TSC2: variants seen among roughly 807,000 people sequenced by gnomAD.
TSC2 encodes the protein tuberin.
Under a neutral mutation model 202.2 loss-of-function variants are expected in TSC2, and 29 were observed. The observed-to-expected ratio is 0.14, with a 90% confidence interval of 0.11 to 0.20. TSC2 has a LOEUF of 0.20. Among genes scored for constraint, TSC2 ranks in the 10% least tolerant of loss-of-function variants. TSC2 has a pLI of 1.00. For synonymous variants in TSC2, 1,349 were observed against 1,044.0 expected, an observed-to-expected ratio of 1.29 and a Z score of -5.63; for missense variants, 2,429 against 2,420.0, an observed-to-expected ratio of 1.00 and a Z score of -0.08.
At chr16:2,054,688 C>A in intron 5 of TSC2, 1 of 576,804 alleles carries the variant, frequency 1.7e-6, no homozygotes. Context: ...TTGGGGCCTC[C>A]GAACACCTCT....
intron 10 of TSC2, 55 bp downstream of exon 10, chr16:2,058,928 G>A (rs1596289748): frequency 7.6e-6 from 12 of 1,578,616 alleles, no homozygotes; most frequent in South Asian, 4.6e-5. Flanking sequence ...CTCCCCTCAC[G>A]CCTGCCCACC....
At chr16:2,063,157 C>A in intron 14 of TSC2, 104 bp downstream of exon 14, 1 of 1,378,934 alleles carries the variant, frequency 7.3e-7, no homozygotes, top group South Asian at 1.2e-5. Context: ...CTGCCTGGGA[C>A]TTCGGTCCTG....
intron 31 of TSC2, 178 bp downstream of exon 31, chr16:2,081,976 G>A: frequency 2.2e-6 from 2 of 901,466 alleles, no homozygotes; most frequent in Middle Eastern, 3.3e-4. Context: ...GGAGGTGTCT[G>A]CCCTGCTCAG....
Position 2,064,169 on chromosome 16 carries a change from G to A in TSC2, c.1444-103G>A, listed in dbSNP as rs958165937. 1.9e-6 allele frequency: 3 copies of A among 1,576,920 alleles called. No homozygotes were observed. The African/African-American group carries it at 4.0e-5, about 21-fold the overall frequency. On this transcript the variant is annotated intron_variant, in intron 14 of 41. Coordinates refer to ENST00000219476, the MANE Select transcript of TSC2 (RefSeq NM_000548.5). ...GCCCAGCTGTGCTGAAGTCCCGAGG[G>A]ACATGTCCGCTGCTTGCGGGTCGGT...
chr16:2,084,839 C>G, intron 34 of TSC2, 112 bp from the exon 35 acceptor site: 3 of 1,600,412 alleles, frequency 1.9e-6, no homozygotes, highest in Non-Finnish European at 2.6e-6. Flanking sequence ...TGGCTGGAAC[C>G]CCTGGGAGGG....
At chr16:2,073,119 G>C in intron 21 of TSC2, 136 bp downstream of exon 21, 1 of 1,403,536 alleles carries the variant, frequency 7.1e-7, no homozygotes, top group Non-Finnish European at 9.7e-7. Flanking sequence ...GCTTCCCTGG[G>C]TGGCTGCCAG....
rs760527750 is a variant in TSC2, at chr16:2,086,172, G to GCCTCTCC, written c.4663-11_4663-5dup. On this transcript the variant is annotated intron_variant, in intron 36 of 41. Coordinates refer to ENST00000219476, the MANE Select transcript of TSC2 (RefSeq NM_000548.5). ...CCCGGCCCGGGAGTGATGCCACCCT[G>GCCTCTCC]CCTCTCCCCTCTCCCCACAGAGCAA... The GCCTCTCC allele has an allele frequency of 2.0e-5, 32 of 1,612,184 alleles. No homozygotes were observed. The highest frequency in any genetic ancestry group is 1.1e-4 in the African/African-American group (8 of 75,002).
rs779275341 is a variant in TSC2, at chr16:2,071,887, G to C, written c.2050G>C (p.Val684Leu). 1 of 1,597,192 alleles carries C rather than the reference G, an allele frequency of 6.3e-7. No homozygotes were observed. The highest frequency in any genetic ancestry group is 8.5e-7 in the Non-Finnish European group (1 of 1,172,478). The change falls in exon 19 of 42, where the codon GTG becomes CTG. Residue 684 changes from valine to leucine, a missense_variant. Coordinates refer to ENST00000219476, the MANE Select transcript of TSC2 (RefSeq NM_000548.5). The stretch of plus-strand genomic sequence containing the variant: ...AGGCCCCGCCGTGCGGCTGGGGTCC[G>C]TGCCCTACTCCCTGCTCTTCCGCGT... Reference protein sequence around the residue: ...PAGPAVRLGSVPYSLLFRVLL... With the variant: ...PAGPAVRLGSLPYSLLFRVLL...
At chr16:2,087,360 C>A (rs1278751958) in intron 38 of TSC2, among the ~76,000 whole-genome samples, 3 of 152,116 alleles carry the variant, frequency 2.0e-5, no homozygotes, top group Non-Finnish European at 2.9e-5. Context: ...AGGCTGGAGG[C>A]CTCACTCCAA....
intron 31 of TSC2, chr16:2,082,227 C>A (rs1012480786): frequency 1.6e-6 from 1 of 623,500 alleles, no homozygotes; most frequent in African/African-American, 1.8e-5. Flanking sequence ...CACTTAGCGG[C>A]CTAGGACGTC....
intron 26 of TSC2, chr16:2,078,709 C>T (rs749661232): frequency 1.7e-5 from 7 of 422,070 alleles, no homozygotes; most frequent in Non-Finnish European, 3.1e-5. Context: ...TGGCCTCCGC[C>T]TCTCTGCATG....
At chr16:2,066,372 C>T (rs2087354885) in intron 16 of TSC2, 1 of 152,546 alleles carries the variant, frequency 6.6e-6, no homozygotes, top group Non-Finnish European at 1.5e-5. Flanking sequence ...AGTAGTATTC[C>T]ATCATCTGGA....
In TSC2 at chr16:2,072,869, G is replaced by A; in HGVS notation, c.2241G>A (p.Leu747=). The A allele has an allele frequency of 6.2e-7, 1 of 1,613,660 alleles. No homozygotes were observed. Among genetic ancestry groups the A allele is most frequent in the Non-Finnish European group, 8.5e-7 (1 of 1,180,042 alleles). Residue 747 remains leucine, a synonymous_variant, in exon 21 of 42, where the codon CTG becomes CTA. Transcript: ENST00000219476. ...ATCAGCTTTCAGGCCCAAAGACACT[G>A]GAGCGGCTCCGAGGCGCCCCAGAAG... The part of the protein sequence containing the change: ...LCSMLSGPKT[L]ERLRGAPEGF...
rs201694466 is a variant in TSC2 at position 2,086,783 on chromosome 16, G to A, written c.4901G>A (p.Arg1634His). The A allele has an allele frequency of 1.3e-5, 21 of 1,611,442 alleles. No homozygotes were observed. The highest frequency in any genetic ancestry group is 8.3e-5 in the Admixed American group (5 of 60,004). The change falls in exon 38 of 42, where the codon CGC becomes CAC. Residue 1634 changes from arginine to histidine, a missense_variant. By Grantham distance (29) the Arg-to-His change is conservative. Transcript: ENST00000219476. ...CCCACCAAGGACGTGGACAAGCACC[G>A]CTGCGACAAGAAGCGCCACCTGGGC... ...LMPTKDVDKH[R>H]CDKKRHLGND...
chr16:2,071,655 C>A (rs545493866), intron 18 of TSC2, 39 bp downstream of exon 18: 1 of 1,611,232 alleles, frequency 6.2e-7, no homozygotes, highest in East Asian at 2.2e-5. Context: ...AGGCTCAGGG[C>A]GTCAGAGGCG....
In TSC2 at chr16:2,054,313, C is replaced by A; in HGVS notation, c.354C>A (p.Val118=). 1.2e-6 allele frequency: 2 copies of A among 1,614,186 alleles called. No homozygotes were observed. The highest frequency in any genetic ancestry group is 1.1e-5 in the South Asian group (1 of 91,088). The part of the protein sequence containing the change: ...IVQGQGERLG[V]LRALFFKVIK... ...GTCTTTAGGGCGAGCGTTTGGGGGT[C>A]CTCAGAGCCCTCTTCTTTAAGGTCA... The change falls in exon 5 of 42, where the codon GTC becomes GTA. Residue 118 remains valine (V), a synonymous_variant. Coordinates refer to ENST00000219476, the MANE Select transcript of TSC2 (RefSeq NM_000548.5).
intron 3 of TSC2, 148 bp downstream of exon 3, chr16:2,050,634 C>G (rs1403947385): frequency 4.6e-6 from 3 of 654,110 alleles, no homozygotes; most frequent in Non-Finnish European, 5.1e-6. Flanking sequence ...TGGAGTCTTG[C>G]TCTGTCGCCC....
chr16:2,075,910 G>GC lies in TSC2; in HGVS notation c.2639+21dup, dbSNP rs2151382834. 1.2e-6 allele frequency: 2 copies of GC among 1,613,024 alleles called. No individual in the cohort carries two copies. The highest frequency in any genetic ancestry group is 1.7e-6 in the Non-Finnish European group (2 of 1,179,970). Reference sequence around the variant, plus strand: ...CCCTCCAAGTGAGTGGTCGCCCCAGGCCCTGTGCCTCCCAGCCGTGGCCCC... The same window carrying GC: ...CCCTCCAAGTGAGTGGTCGCCCCAGGCCCCTGTGCCTCCCAGCCGTGGCCCC... On this transcript the variant is annotated intron_variant, in intron 23 of 41. Coordinates refer to ENST00000219476, the MANE Select transcript of TSC2 (RefSeq NM_000548.5).
At chr16:2,051,263 T>C (rs2085083084) in intron 3 of TSC2, among the ~76,000 whole-genome samples, 1 of 149,368 alleles carries the variant, frequency 6.7e-6, no homozygotes, top group Non-Finnish European at 1.5e-5. Flanking sequence ...CAGGTTGCAG[T>C]GAGCCGAGAT....
Sources: gnomAD v4.1 joint callset for allele counts (sites outside exome capture counted in the v4.1 genomes callset) on GRCh38, gnomAD v4.1.1 for gene constraint, MANE v1.5 for transcripts, NCBI Gene and HGNC (gene_info 2026-07-23, HGNC 2026-07-21) for gene names.